Variants in DLGAP2 observed in about 807,000 individuals in gnomAD.
DLGAP2 encodes disks large-associated protein 2.
A neutral mutation model predicts 100.3 loss-of-function variants in DLGAP2; 26 were observed. That is an observed-to-expected ratio of 0.26 (90% CI 0.19 to 0.36). The LOEUF is 0.36. Among genes scored for constraint, DLGAP2 ranks in the 10% least tolerant of loss-of-function variants. The pLI is 1.00. For missense variants in DLGAP2, 1,858 were observed against 1,453.2 expected (o/e 1.28, Z -4.53); for synonymous variants, 886 against 630.1 (o/e 1.41, Z -6.08).
chr8:973,749 G>C (rs992598940), intron 2 of DLGAP2, among the ~76,000 whole-genome samples: 10 of 152,204 alleles, frequency 6.6e-5, no homozygotes, highest in Admixed American at 2.0e-4. Context: ...GATCATGGAG[G>C]GAAGGCAAAT....
chr8:1,162,923 C>G (rs148030129), intron 2 of DLGAP2, among the ~76,000 whole-genome samples: 1 of 152,360 alleles, frequency 6.6e-6, no homozygotes, highest in African/African-American at 2.4e-5. Flanking sequence ...CCTCCGTTTG[C>G]TCAGCTGAGG....
chr8:1,380,380 A>G (rs1796064350), intron 3 of DLGAP2: 1 of 152,180 alleles, frequency 6.6e-6, no homozygotes, highest in East Asian at 1.9e-4. Context: ...TATGAAATAA[A>G]TCGCAGGTTA....
At chr8:1,612,282 C>A (rs1797006870) in intron 6 of DLGAP2, among the ~76,000 whole-genome samples, 1 of 73,796 alleles carries the variant, frequency 1.4e-5, no homozygotes, top group Non-Finnish European at 2.8e-5. Flanking sequence ...GAAAAACAAG[C>A]AATGGGGAAA....
intron 2 of DLGAP2, among the ~76,000 whole-genome samples, chr8:1,063,917 A>C (rs1026014308): frequency 1.3e-5 from 2 of 152,198 alleles, no homozygotes; most frequent in African/African-American, 4.8e-5. Context: ...CAGCTTGGTG[A>C]ATCACACTTG....
intron 3 of DLGAP2, chr8:1,300,509 C>G (rs372531020): frequency 6.6e-6 from 1 of 152,290 alleles, no homozygotes; most frequent in Non-Finnish European, 1.5e-5. Flanking sequence ...TTGTCAAGTA[C>G]TGACCGTCCC....
intron 3 of DLGAP2, among the ~76,000 whole-genome samples, chr8:1,334,271 C>T (rs1284780435): frequency 6.6e-6 from 1 of 152,212 alleles, no homozygotes; most frequent in African/African-American, 2.4e-5. Context: ...TGGCAGTCAG[C>T]ATTTGCCACC....
intron 3 of DLGAP2, among the ~76,000 whole-genome samples, chr8:1,449,299 C>T (rs191637045): frequency 6.6e-6 from 1 of 152,296 alleles, no homozygotes; most frequent in Non-Finnish European, 1.5e-5. Context: ...AGGGTCGGGC[C>T]ATGATGGACT....
chr8:1,522,659 A>G (rs1212228376), intron 4 of DLGAP2, among the ~76,000 whole-genome samples: 1 of 152,226 alleles, frequency 6.6e-6, no homozygotes, highest in Non-Finnish European at 1.5e-5. Flanking sequence ...AGAACCTGGG[A>G]GCTGAGTGGA....
chr8:831,062 A>T (rs913919184), intron 1 of DLGAP2, among the ~76,000 whole-genome samples: 1 of 151,686 alleles, frequency 6.6e-6, no homozygotes, highest in Non-Finnish European at 1.5e-5. Context: ...TACCTGGCTA[A>T]TTTTTTTGTA....
intron 2 of DLGAP2, among the ~76,000 whole-genome samples, chr8:1,245,205 A>G (rs1334655051): frequency 1.3e-5 from 2 of 152,240 alleles, no homozygotes; most frequent in African/African-American, 4.8e-5. Context: ...GTTTAAACAT[A>G]GAGTTACCAT....
chr8:1,131,637 A>C (rs757637674), intron 2 of DLGAP2, among the ~76,000 whole-genome samples: 24 of 151,968 alleles, frequency 1.6e-4, no homozygotes, highest in Non-Finnish European at 2.9e-4. Flanking sequence ...CTTTCATGAG[A>C]ATGAACATGG....
intron 2 of DLGAP2, among the ~76,000 whole-genome samples, chr8:1,064,787 C>T (rs141337844): frequency 5.9e-4 from 90 of 152,284 alleles, no homozygotes; most frequent in African/African-American, 2.1e-3. Flanking sequence ...CTGCTGCATG[C>T]GGCAGAGGGA....
At chr8:1,408,107 C>G (rs1796624747) in intron 3 of DLGAP2, among the ~76,000 whole-genome samples, 1 of 152,222 alleles carries the variant, frequency 6.6e-6, no homozygotes. Context: ...AACAGCTGGT[C>G]TTCACTGAGA....
At chr8:880,382 C>A (rs999114365) in intron 1 of DLGAP2, among the ~76,000 whole-genome samples, 3 of 152,360 alleles carry the variant, frequency 2.0e-5, no homozygotes, top group Middle Eastern at 6.8e-3. Flanking sequence ...AGGAAAGTGT[C>A]CACACTCACA....
chr8:1,199,719 G>A (rs571202134), intron 2 of DLGAP2, among the ~76,000 whole-genome samples: 49 of 152,254 alleles, frequency 3.2e-4, no homozygotes, highest in African/African-American at 1.0e-3. Context: ...GCTCTCACTC[G>A]GGCTGAATGT....
chr8:1,611,069 G>T (rs1277342441), intron 6 of DLGAP2, among the ~76,000 whole-genome samples: 13 of 138,226 alleles, frequency 9.4e-5, no homozygotes, highest in South Asian at 2.6e-4. Context: ...TACCAAAGCC[G>T]GGCAGAGACA....
intron 2 of DLGAP2, among the ~76,000 whole-genome samples, chr8:908,978 G>GTAGCC (rs71202674): frequency 0.12 from 18,688 of 152,162 alleles, 1,572 homozygotes; most frequent in Admixed American, 0.27. Flanking sequence ...TGGTATCTCA[G>GTAGCC]TAGCCAACAT....
intron 2 of DLGAP2, among the ~76,000 whole-genome samples, chr8:1,042,287 C>G (rs1214241255): frequency 1.3e-5 from 2 of 152,186 alleles, no homozygotes; most frequent in African/African-American, 4.8e-5. Flanking sequence ...GAGCTGTTCC[C>G]AAGATCATGA....
At chr8:936,065 G>A (rs540874613) in intron 2 of DLGAP2, among the ~76,000 whole-genome samples, 151 of 152,276 alleles carry the variant, frequency 9.9e-4, no homozygotes, top group African/African-American at 3.2e-3. Flanking sequence ...AAATTAGCTC[G>A]CGGAGCACGT....
Sources: gnomAD v4.1 joint callset for allele counts (sites outside exome capture counted in the v4.1 genomes callset) on GRCh38, gnomAD v4.1.1 for gene constraint, MANE v1.5 for transcripts, NCBI Gene and HGNC (gene_info 2026-07-23, HGNC 2026-07-21) for gene names.